AP5B1: variants seen among roughly 807,000 people sequenced by gnomAD.
AP5B1 encodes the protein AP-5 complex subunit beta-1.
In AP5B1, 3 loss-of-function variants were observed where a neutral mutation model predicts 5.7. The observed-to-expected ratio is 0.53, with a 90% CI of 0.24 to 1.36. The LOEUF is 1.36. Ranked by LOEUF, AP5B1 falls within the 40% of genes most tolerant of loss-of-function variation. AP5B1 has a pLI of 0.17. For missense variants in AP5B1, 1,310 were observed against 1,143.2 expected (o/e 1.15, Z -2.10); for synonymous variants, 696 against 555.5 (o/e 1.25, Z -3.56).
In AP5B1 at chr11:65,779,800, G is replaced by A. The variant is rs759352177; in HGVS notation, c.693C>T (p.Gly231=). 2.5e-6 allele frequency: 4 copies of A among 1,583,808 alleles called. No individual in the cohort carries two copies. The highest frequency in any genetic ancestry group is 1.2e-5 in the South Asian group (1 of 86,732). The change falls in exon 2 of 2, where the codon GGC becomes GGT. Residue 231 remains glycine, a synonymous_variant. Coordinates refer to ENST00000532090, the MANE Select transcript of AP5B1 (RefSeq NM_138368.5). ...GTGCCTGGGGCTGAAGGCGTCCATC[G>A]CCCTCCTCCACTAGTGTCCAATCCC... ...GPWDWTLVEE[G]DGRLQPQAPS... is the part of the protein sequence containing the mutation.
Position 65,778,859 on chromosome 11 carries a change from G to A in AP5B1, c.1634C>T (p.Ala545Val). The A allele has an allele frequency of 1.2e-6, 2 of 1,609,230 alleles. No individual in the cohort carries two copies. Among genetic ancestry groups the A allele is most frequent in the Non-Finnish European group, 1.7e-6 (2 of 1,177,802 alleles). Residue 545 changes from alanine (A) to valine (V), a missense_variant, in exon 2 of 2, where the codon GCA (alanine) becomes GTA (valine). Ala to Val is a moderately conservative substitution (Grantham distance 64, BLOSUM62 0). Transcript: ENST00000532090. ...EALCWHLQML[A>V]KVADGDAQSA... ...CTGGGCATCTCCATCTGCCACCTTT[G>A]CCAGCATTTGCAGGTGCCAGCAAAG...
In AP5B1 at chr11:65,774,322, T is replaced by A. The variant is rs984667083; in HGVS notation, c.*3534A>T. Among the ~76,000 whole-genome samples the A allele has an allele frequency of 2.6e-5, 4 of 152,208 alleles. No individual in the cohort carries two copies. Among genetic ancestry groups the A allele is most frequent in the African/African-American group, 9.7e-5 (4 of 41,446 alleles). On this transcript the variant is annotated 3_prime_UTR_variant, in exon 2 of 2. Coordinates refer to ENST00000532090, the MANE Select transcript of AP5B1 (RefSeq NM_138368.5). ...TATTTAGCACCTCCATCTCAACATGTACTTCCCCAACGGTCATGGCAGAGG... is the reference window on the plus strand; with the variant it reads ...TATTTAGCACCTCCATCTCAACATGAACTTCCCCAACGGTCATGGCAGAGG...
chr11:65,777,937 C>T lies in AP5B1; in HGVS notation c.2556G>A (p.Val852=). The change falls in exon 2 of 2, where the codon GTG becomes GTA. Residue 852 remains valine (V), a synonymous_variant. Coordinates refer to ENST00000532090, the MANE Select transcript of AP5B1 (RefSeq NM_138368.5). ...AGTCATCGGTCCGCAGGGCCACAGG[C>T]ACTCCATCTGCCAGGGCCGCCTCCA... ...LRLEAALADG[V]PVALRTDDWA... 6.4e-7 allele frequency: 1 copy of T among 1,570,920 alleles called. No individual in the cohort carries two copies. Among genetic ancestry groups the T allele is most frequent in the Non-Finnish European group, 8.6e-7 (1 of 1,159,240 alleles).
Position 65,777,834 on chromosome 11 carries a change from C to T in AP5B1, c.*22G>A, listed in dbSNP as rs952032415. The T allele has an allele frequency of 2.7e-6, 4 of 1,500,886 alleles. No individual in the cohort carries two copies. The African/African-American group carries it at 4.2e-5, about 16-fold the overall frequency. The allele number at this position is 1,500,886 out of a possible 1,614,324, so 93.0% of individuals were successfully genotyped here. A position where few individuals can be genotyped will look rare whatever the true frequency, so the allele number is the denominator to read the frequency against. On this transcript the variant is annotated 3_prime_UTR_variant, in exon 2 of 2. Transcript: ENST00000532090. ...GGCCCCCACAAGGGCCACAGTCCTGCCCCCACCTGGTCTCCCGGGGCTCAG... is the reference window on the plus strand; with the variant it reads ...GGCCCCCACAAGGGCCACAGTCCTGTCCCCACCTGGTCTCCCGGGGCTCAG...
Position 65,774,077 on chromosome 11 carries a change from G to T in AP5B1, c.*3779C>A, listed in dbSNP as rs914839608. On this transcript the variant is annotated 3_prime_UTR_variant, in exon 2 of 2. Coordinates refer to ENST00000532090, the MANE Select transcript of AP5B1 (RefSeq NM_138368.5). ...ATCCCTATTTTGTTCATTCATGCTC[G>T]GCAGCTGTGTCTAAACCATAAAGGG... Among the ~76,000 whole-genome samples, 4 of 152,072 alleles carry T rather than the reference G, an allele frequency of 2.6e-5. No homozygotes were observed. Among genetic ancestry groups the T allele is most frequent in the African/African-American group, 7.2e-5 (3 of 41,404 alleles).
Position 65,779,851 on chromosome 11 carries a change from CT to C in AP5B1, c.641del (p.Lys214ArgfsTer14). The C allele has an allele frequency of 6.3e-7, 1 of 1,598,338 alleles. No individual in the cohort carries two copies. Among genetic ancestry groups the C allele is most frequent in the South Asian group, 1.1e-5 (1 of 89,222 alleles). ...AGGGACCACCCCCAGTTGGGGAGAC[CT>C]TATCCGTGAGCAGTCCCCCCAGGCC... ...GAGLGGLLTD[K>X]VSPTGGGPWD... On this transcript the variant is annotated frameshift_variant, in exon 2 of 2. Transcript: ENST00000532090. LOFTEE classifies it low-confidence loss of function (END_TRUNC).
Position 65,779,287 on chromosome 11 carries a change from C to A in AP5B1, c.1206G>T (p.Leu402=). The change falls in exon 2 of 2, where the codon CTG becomes CTT. Residue 402 remains leucine, a synonymous_variant. Coordinates refer to ENST00000532090, the MANE Select transcript of AP5B1 (RefSeq NM_138368.5). ...LLGPQLCRGL[L]PSLLHDPMAL... The stretch of plus-strand genomic sequence containing the variant: ...CCATTGGGTCATGCAGGAGACTGGG[C>A]AGGAGACCACGGCATAGCTGGGGCC... 1 of 1,599,026 alleles carries A rather than the reference C, an allele frequency of 6.3e-7. No individual in the cohort carries two copies. The highest frequency in any genetic ancestry group is 1.1e-5 in the South Asian group (1 of 88,944).
At position 65,780,310 on chromosome 11, in the gene AP5B1, A is replaced by T. The variant is rs763389064; in HGVS notation, c.183T>A (p.Pro61=). Reference sequence around the variant, plus strand: ...CAGAGGCGTCGGGCCACAGCTGCGCAGGGTACTCCATGCTCAGGGCCAGCA... The same window carrying T: ...CAGAGGCGTCGGGCCACAGCTGCGCTGGGTACTCCATGCTCAGGGCCAGCA... ...VSLLALSMEY[P]AQLWPDASAA... The change falls in exon 2 of 2, where the codon CCT becomes CCA. Residue 61 remains proline, a synonymous_variant. Coordinates refer to ENST00000532090, the MANE Select transcript of AP5B1 (RefSeq NM_138368.5). 6.7e-7 allele frequency: 1 copy of T among 1,489,636 alleles called. No individual in the cohort carries two copies. The highest frequency in any genetic ancestry group is 8.9e-7 in the Non-Finnish European group (1 of 1,123,686). 92.3% of individuals were successfully genotyped at this position (1,489,636 alleles called of 1,614,324 possible).
Position 65,778,837 on chromosome 11 carries a change from G to A in AP5B1, c.1656C>T (p.Ala552=). 1 of 1,609,978 alleles carries A rather than the reference G, an allele frequency of 6.2e-7. No individual in the cohort carries two copies. Among genetic ancestry groups the A allele is most frequent in the Non-Finnish European group, 8.5e-7 (1 of 1,178,224 alleles). Residue 552 remains alanine (A), a synonymous_variant, in exon 2 of 2, where the codon GCC becomes GCT. Transcript: ENST00000532090. ...GTAGAAAGTTGAGGGTAGCACTCTG[G>A]GCATCTCCATCTGCCACCTTTGCCA... is the stretch of plus-strand genomic sequence containing the variant. The part of the protein sequence containing the change: ...QMLAKVADGD[A]QSATLNFLQA...
rs1373186522 is a variant in AP5B1, at chr11:65,775,215, A to G, written c.*2641T>C. Among the ~76,000 whole-genome samples the G allele has an allele frequency of 6.6e-6, 1 of 152,168 alleles. No individual in the cohort carries two copies. The highest frequency in any genetic ancestry group is 1.5e-5 in the Non-Finnish European group (1 of 68,030). ...GTTCTGGTTGGGGTAGGGGGAGCTG[A>G]AAGTCATCTGGTGTCCACAACTGGA... On this transcript the variant is annotated 3_prime_UTR_variant, in exon 2 of 2. Coordinates refer to ENST00000532090, the MANE Select transcript of AP5B1 (RefSeq NM_138368.5).
Position 65,780,877 on chromosome 11 carries a change from C to T in AP5B1, c.-286G>A, listed in dbSNP as rs1424637615. The T allele has an allele frequency of 4.0e-6, 1 of 249,178 alleles. No homozygotes were observed. Among genetic ancestry groups the T allele is most frequent in the Non-Finnish European group, 7.6e-6 (1 of 131,652 alleles). 15.4% of individuals were successfully genotyped at this position (249,178 alleles called of 1,614,324 possible). On this transcript the variant is annotated 5_prime_UTR_variant, in exon 1 of 2. Transcript: ENST00000532090. ...TCCCGCCCGCGGCCCGCACCGAAAC[C>T]ACAGCGCCACCCCGGCCCCCGGCGC...
Position 65,780,582 on chromosome 11 carries a change from G to A in AP5B1, c.10C>T (p.Leu4=). The A allele has an allele frequency of 6.9e-7, 1 of 1,455,584 alleles. No individual in the cohort carries two copies. The highest frequency in any genetic ancestry group is 2.9e-5 in the East Asian group (1 of 34,134). The allele number at this position is 1,455,584 out of a possible 1,614,324, so 90.2% of individuals were successfully genotyped here. A position where few individuals can be genotyped will look rare whatever the true frequency, so the allele number is the denominator to read the frequency against. ...CGCTGGGCCCAGGCGTCCCGGCTCA[G>A]GGGCCCCATGGTGAGGCGCGCGGGC... MGP[L]SRDAWAQRLG... Residue 4 remains leucine, a synonymous_variant, in exon 1 of 2, where the codon CTG becomes TTG. Transcript: ENST00000532090.
Position 65,780,078 on chromosome 11 carries a change from G to C in AP5B1, c.415C>G (p.Pro139Ala). 1 of 1,541,696 alleles carries C rather than the reference G, an allele frequency of 6.5e-7. No homozygotes were observed. The highest frequency in any genetic ancestry group is 8.7e-7 in the Non-Finnish European group (1 of 1,143,258). ...TGCAAGGGGCGCTGTTCCGAGGCGG[G>C]GACAAAGCCTCGCCCCAGATCGCTA... ...AGSDLGRGFVPASEQRPLQAT... is the reference protein window; with the variant it reads ...AGSDLGRGFVAASEQRPLQAT... The change falls in exon 2 of 2, where the codon CCC becomes GCC. Residue 139 changes from proline (P) to alanine (A), a missense_variant. By Grantham distance (27) the Pro-to-Ala change is conservative. Coordinates refer to ENST00000532090, the MANE Select transcript of AP5B1 (RefSeq NM_138368.5).
rs758507175 is a variant in AP5B1, at chr11:65,778,900, C to T, written c.1593G>A (p.Pro531=). ...VVLRQVVVSR[P]GRDEALCWHL... The stretch of plus-strand genomic sequence containing the variant: ...GCCAGCAAAGAGCTTCATCCCTGCC[C>T]GGCCTGGACACCACCACCTGCCGCA... The change falls in exon 2 of 2, where the codon CCG becomes CCA. Residue 531 remains proline, a synonymous_variant. Coordinates refer to ENST00000532090, the MANE Select transcript of AP5B1 (RefSeq NM_138368.5). 3.1e-6 allele frequency: 5 copies of T among 1,611,406 alleles called. No homozygotes were observed. The highest frequency in any genetic ancestry group is 2.7e-5 in the African/African-American group (2 of 74,924).
chr11:65,778,320 G>A lies in AP5B1; in HGVS notation c.2173C>T (p.Leu725Phe). The A allele has an allele frequency of 6.2e-7, 1 of 1,612,652 alleles. No individual in the cohort carries two copies. Among genetic ancestry groups the A allele is most frequent in the Non-Finnish European group, 8.5e-7 (1 of 1,179,806 alleles). ...GGGCATCGGGGCTGCAGAGGCAGGA[G>A]CAGAGGGCGGGCAGGGCGGCCAGGA... is the stretch of plus-strand genomic sequence containing the variant. ...LCPGRPARPL[L>F]LPLQPRCPAP... The change falls in exon 2 of 2, where the codon CTC becomes TTC. Residue 725 changes from leucine (L) to phenylalanine (F), a missense_variant. By Grantham distance (22) the Leu-to-Phe change is conservative. Coordinates refer to ENST00000532090, the MANE Select transcript of AP5B1 (RefSeq NM_138368.5).
At position 65,780,338 on chromosome 11, in the gene AP5B1, G is replaced by C; in HGVS notation, c.155C>G (p.Ser52Cys). 3 of 1,469,916 alleles carry C rather than the reference G, an allele frequency of 2.0e-6. No homozygotes were observed. Among genetic ancestry groups the C allele is most frequent in the Non-Finnish European group, 2.7e-6 (3 of 1,111,244 alleles). 91.1% of individuals were successfully genotyped at this position (1,469,916 alleles called of 1,614,324 possible). A position where few individuals can be genotyped will look rare whatever the true frequency, so the allele number is the denominator to read the frequency against. The change falls in exon 2 of 2, where the codon TCC becomes TGC. Residue 52 changes from serine to cysteine, a missense_variant. Coordinates refer to ENST00000532090, the MANE Select transcript of AP5B1 (RefSeq NM_138368.5). Reference sequence around the variant, plus strand: ...GTACTCCATGCTCAGGGCCAGCAGGGAAACCTGGATGGGGGATTAGGAGGG... The same window carrying C: ...GTACTCCATGCTCAGGGCCAGCAGGCAAACCTGGATGGGGGATTAGGAGGG... ...SEKLSEQTKV[S>C]LLALSMEYPA... is the part of the protein sequence containing the mutation.
At position 65,780,571 on chromosome 11, in the gene AP5B1, G is replaced by C. The variant is rs1283672369; in HGVS notation, c.21C>G (p.Asp7Glu). 1.3e-6 allele frequency: 2 copies of C among 1,484,154 alleles called. No homozygotes were observed. Among genetic ancestry groups the C allele is most frequent in the South Asian group, 1.3e-5 (1 of 78,632 alleles). 91.9% of individuals were successfully genotyped at this position (1,484,154 alleles called of 1,614,324 possible). ...AGGCCCCCAAGCGCTGGGCCCAGGC[G>C]TCCCGGCTCAGGGGCCCCATGGTGA... Reference protein sequence around the residue: MGPLSRDAWAQRLGAFR... With the variant: MGPLSREAWAQRLGAFR... Residue 7 changes from aspartate to glutamate, a missense_variant, in exon 1 of 2, where the codon GAC (aspartate) becomes GAG (glutamate). Physicochemically the swap from Asp to Glu is conservative, Grantham distance 45. Transcript: ENST00000532090.
In AP5B1 at chr11:65,778,672, A is replaced by C; in HGVS notation, c.1821T>G (p.Asp607Glu). 1 of 1,566,570 alleles carries C rather than the reference A, an allele frequency of 6.4e-7. No individual in the cohort carries two copies. The highest frequency in any genetic ancestry group is 8.6e-7 in the Non-Finnish European group (1 of 1,160,486). The change falls in exon 2 of 2, where the codon GAT (aspartate) becomes GAG (glutamate). Residue 607 changes from aspartate (D) to glutamate (E), a missense_variant. Transcript: ENST00000532090. The part of the protein sequence containing the change: ...QVLARQLEDP[D>E]GRDHARLYYI... ...AGTAGAGGCGGGCGTGGTCACGCCC[A>C]TCAGGGTCCTCCAGCTGCCTGGCCA...
Position 65,779,667 on chromosome 11 carries a change from C to T in AP5B1, c.826G>A (p.Asp276Asn), listed in dbSNP as rs1051756813. Residue 276 changes from aspartate to asparagine, a missense_variant, in exon 2 of 2, where the codon GAC becomes AAC. Asp to Asn is a conservative substitution (Grantham distance 23). Coordinates refer to ENST00000532090, the MANE Select transcript of AP5B1 (RefSeq NM_138368.5). The stretch of plus-strand genomic sequence containing the variant: ...ACAGGAGTGAGCAGATAGGAGGTGT[C>T]CAGAAGCTGGATCACCGCAGCCCGC... ...ELRAAVIQLL[D>N]TSYLLTPVAQ... 1.7e-5 allele frequency: 28 copies of T among 1,612,060 alleles called. No individual in the cohort carries two copies. Among genetic ancestry groups the T allele is most frequent in the Non-Finnish European group, 2.2e-5 (26 of 1,179,664 alleles).
Sources: allele counts gnomAD v4.1 joint callset (sites outside exome capture counted in the v4.1 genomes callset), GRCh38; gene constraint gnomAD v4.1.1; transcripts MANE v1.5; gene names NCBI Gene and HGNC (gene_info 2026-07-23, HGNC 2026-07-21).